Variants in NBEAL1 observed in about 807,000 individuals in gnomAD.
NBEAL1 encodes the protein neurobeachin like 1.
NBEAL1 carries 273 observed loss-of-function variants against 351.3 expected under a neutral mutation model. The ratio of observed to expected loss-of-function variants is 0.78; its 90% CI spans 0.70 to 0.86. The LOEUF (loss-of-function observed/expected upper bound fraction) is 0.86. Ranked by LOEUF, NBEAL1 falls within the 40% of genes least tolerant of loss-of-function variation. The pLI, the probability that NBEAL1 is intolerant of heterozygous loss-of-function variation, is 0.00. For synonymous variants in NBEAL1, 1,050 were observed against 1,086.4 expected (o/e 0.97, Z 0.66); for missense variants, 2,961 against 3,201.3 (o/e 0.92, Z 1.81).
intron 36 of NBEAL1, among the ~76,000 whole-genome samples, chr2:203,163,478 G>A (rs1446060814): frequency 1.3e-5 from 2 of 151,624 alleles, no homozygotes; most frequent in Non-Finnish European, 2.9e-5. Flanking sequence ...TATGAATCTT[G>A]ACAAATACTC....
At chr2:203,189,884 C>T (rs1032541132) in intron 45 of NBEAL1, among the ~76,000 whole-genome samples, 1 of 151,298 alleles carries the variant, frequency 6.6e-6, no homozygotes, top group African/African-American at 2.4e-5. Context: ...GCCTGTAATC[C>T]CAGCACTTTG....
At chr2:203,163,435 TTC>T (rs1338511177) in intron 36 of NBEAL1, among the ~76,000 whole-genome samples, 2 of 152,108 alleles carry the variant, frequency 1.3e-5, no homozygotes, top group Non-Finnish European at 2.9e-5. Flanking sequence ...TAATTTTATA[TTC>T]TTTTTATATA....
At chr2:203,101,320 A>G (rs1574970225) in intron 12 of NBEAL1, among the ~76,000 whole-genome samples, 1 of 152,152 alleles carries the variant, frequency 6.6e-6, no homozygotes, top group East Asian at 1.9e-4. Flanking sequence ...GGTGTGCAGC[A>G]TTATTTCTGG....
Position 203,219,582 on chromosome 2 carries a change from G to A in NBEAL1, c.*2228G>A, listed in dbSNP as rs899733373. 15 of 152,102 alleles carry A rather than the reference G, an allele frequency of 9.9e-5. No homozygotes were observed. The highest frequency in any genetic ancestry group is 3.6e-4 in the African/African-American group (15 of 41,414). 9.4% of individuals were successfully genotyped at this position (152,102 alleles called of 1,614,324 possible). On this transcript the variant is annotated 3_prime_UTR_variant, in exon 56 of 56. Coordinates refer to ENST00000683969, the MANE Select transcript of NBEAL1 (RefSeq NM_001378026.1). The stretch of plus-strand genomic sequence containing the variant: ...TAAAAACCAAAAATGTGGGCCGGGT[G>A]TGGTGGCTCATGCCTGTAATCCCAG...
Position 203,016,388 on chromosome 2 carries a change from G to T in NBEAL1, c.4G>T (p.Ala2Ser). Reference protein sequence around the residue: MASRERLFELWM... With the variant: MSSRERLFELWM... ...AAGTGCCAGAGTGAAAGCCAGAATG[G>T]CATCCAGAGAGAGGCTCTTTGAACT... The change falls in exon 2 of 56, where the codon GCA becomes TCA. Residue 2 changes from alanine to serine, a missense_variant. Ala to Ser is a moderately conservative substitution (Grantham distance 99). Coordinates refer to ENST00000683969, the MANE Select transcript of NBEAL1 (RefSeq NM_001378026.1). 6.7e-7 allele frequency: 1 copy of T among 1,485,156 alleles called. No individual in the cohort carries two copies. The highest frequency in any genetic ancestry group is 1.3e-5 in the South Asian group (1 of 74,794). The allele number at this position is 1,485,156 out of a possible 1,614,324, so 92.0% of individuals were successfully genotyped here.
chr2:203,038,233 C>T (rs2061071202), intron 2 of NBEAL1, among the ~76,000 whole-genome samples: 1 of 148,908 alleles, frequency 6.7e-6, no homozygotes, highest in African/African-American at 2.4e-5. Flanking sequence ...TATTTGTATT[C>T]ATTTATCTGG....
At chr2:203,144,474 C>G in intron 31 of NBEAL1, 126 bp from the exon 32 acceptor site, 2 of 869,276 alleles carry the variant, frequency 2.3e-6, no homozygotes, top group Middle Eastern at 2.5e-4. Flanking sequence ...AAAGTAACAT[C>G]TGAGACCTTT....
At chr2:203,047,292 T>C (rs976592352) in intron 3 of NBEAL1, among the ~76,000 whole-genome samples, 1 of 152,074 alleles carries the variant, frequency 6.6e-6, no homozygotes, top group South Asian at 2.1e-4. Context: ...TGTAGAAGTA[T>C]TGGCAACCAC....
chr2:203,130,828 T>G (rs1475324627), intron 25 of NBEAL1, among the ~76,000 whole-genome samples: 1 of 152,178 alleles, frequency 6.6e-6, no homozygotes, highest in South Asian at 2.1e-4. Flanking sequence ...AACTAAGTAC[T>G]TTTCATATAT....
intron 4 of NBEAL1, among the ~76,000 whole-genome samples, chr2:203,050,967 G>A (rs1385800590): frequency 6.6e-6 from 1 of 152,060 alleles, no homozygotes; most frequent in Admixed American, 6.6e-5. Context: ...ACATTCTATA[G>A]CTTTAAATCT....
Position 203,151,499 on chromosome 2 carries a change from G to A in NBEAL1, c.5497G>A (p.Val1833Ile). The change falls in exon 35 of 56, where the codon GTA (valine) becomes ATA (isoleucine). Residue 1833 changes from valine (V) to isoleucine (I), a missense_variant. Coordinates refer to ENST00000683969, the MANE Select transcript of NBEAL1 (RefSeq NM_001378026.1). ...TCCAATTCACTGGAAGCTAGCTAATGTAGAGAATTATTCCCGCATGAGACT... is the reference window on the plus strand; with the variant it reads ...TCCAATTCACTGGAAGCTAGCTAATATAGAGAATTATTCCCGCATGAGACT... ...QNPIHWKLAN[V>I]ENYSRMRLKL... The A allele has an allele frequency of 6.2e-7, 1 of 1,607,674 alleles. No individual in the cohort carries two copies. The highest frequency in any genetic ancestry group is 8.5e-7 in the Non-Finnish European group (1 of 1,177,014).
intron 21 of NBEAL1, 26 bp from the exon 22 acceptor site, chr2:203,126,531 T>C (rs770777057): frequency 5.6e-6 from 8 of 1,426,298 alleles, no homozygotes; most frequent in Non-Finnish European, 7.3e-6. Context: ...CTGAACTATA[T>C]GAAACCCTCT....
chr2:203,064,510 C>T (rs2061549835), intron 6 of NBEAL1, among the ~76,000 whole-genome samples: 1 of 152,206 alleles, frequency 6.6e-6, no homozygotes, highest in Non-Finnish European at 1.5e-5. Context: ...ATGTGCTCCA[C>T]ATGTGATAAC....
intron 2 of NBEAL1, among the ~76,000 whole-genome samples, chr2:203,023,414 CA>C (rs2060799958): frequency 6.6e-6 from 1 of 152,126 alleles, no homozygotes; most frequent in Non-Finnish European, 1.5e-5. Context: ...GGTATGAAAG[CA>C]AGAAATGTAT....
intron 2 of NBEAL1, among the ~76,000 whole-genome samples, chr2:203,039,123 G>A (rs2061086702): frequency 6.8e-6 from 1 of 148,100 alleles, no homozygotes; most frequent in Admixed American, 6.8e-5. Flanking sequence ...AAGTGATTCA[G>A]TCTAGTGTTG....
At chr2:203,149,810 G>A (rs936331493) in intron 34 of NBEAL1, among the ~76,000 whole-genome samples, 59 of 152,050 alleles carry the variant, frequency 3.9e-4, no homozygotes, top group African/African-American at 1.4e-3. Flanking sequence ...TCATATAAAT[G>A]GAATCATACA....
At chr2:203,137,962 C>T (rs551459178) in intron 29 of NBEAL1, among the ~76,000 whole-genome samples, 200 bp from the exon 30 acceptor site, 54 of 150,330 alleles carry the variant, frequency 3.6e-4, no homozygotes, top group African/African-American at 1.3e-3. Context: ...CCGGCCTGGG[C>T]GACAAGAGCG....
intron 46 of NBEAL1, among the ~76,000 whole-genome samples, chr2:203,193,567 A>G (rs1376124484): frequency 1.3e-5 from 2 of 152,148 alleles, no homozygotes; most frequent in Non-Finnish European, 2.9e-5. Flanking sequence ...CTGACTTGAA[A>G]ATTTAGGAGA....
At chr2:203,170,713 A>G (rs1338443745) in intron 39 of NBEAL1, among the ~76,000 whole-genome samples, 1 of 152,102 alleles carries the variant, frequency 6.6e-6, no homozygotes, top group Non-Finnish European at 1.5e-5. Context: ...ATTCTTTACT[A>G]TTGCCAGTGA....
Sources: allele counts gnomAD v4.1 joint callset (sites outside exome capture counted in the v4.1 genomes callset), GRCh38; gene constraint gnomAD v4.1.1; transcripts MANE v1.5; gene names NCBI Gene and HGNC (gene_info 2026-07-23, HGNC 2026-07-21).